Variants in GALNT12 observed in about 807,000 individuals in gnomAD.
GALNT12 encodes the protein polypeptide N-acetylgalactosaminyltransferase 12, also known as UDP-GalNAc:polypeptide N-acetylgalactosaminyltransferase 12.
A neutral mutation model predicts 55.5 loss-of-function variants in GALNT12; 45 were observed. That is an observed-to-expected ratio of 0.81 (90% CI 0.64 to 1.04). The LOEUF (loss-of-function observed/expected upper bound fraction) is 1.04, where lower values mean the gene tolerates loss of function less well. GALNT12 is among the 50% of genes least tolerant of loss of function. GALNT12 has a pLI of 0.00. For synonymous variants in GALNT12, 304 were observed against 312.2 expected (o/e 0.97, Z 0.28); for missense variants, 709 against 754.8 (o/e 0.94, Z 0.71).
rs1414017068 is a variant in GALNT12 at position 98,807,758 on chromosome 9, G to T, written c.60G>T (p.Ala20=). 5 of 1,180,354 alleles carry T rather than the reference G, an allele frequency of 4.2e-6. No homozygotes were observed. The African/African-American group carries it at 8.2e-5, about 19-fold the overall frequency. The allele number at this position is 1,180,354 out of a possible 1,614,324, so 73.1% of individuals were successfully genotyped here. A position where few individuals can be genotyped will look rare whatever the true frequency, so the allele number is the denominator to read the frequency against. ...CPRELRRGRE[A]LLVLLALLAL... ...GGGAACTGCGGCGCGGCCGGGAGGC[G>T]CTGTTGGTGCTCCTGGCGCTACTGG... Residue 20 remains alanine (A), a synonymous_variant, in exon 1 of 10, where the codon GCG becomes GCT. Transcript: ENST00000375011.
At chr9:98,835,176 G>T in intron 4 of GALNT12, 73 bp from the exon 5 acceptor site, 1 of 1,005,490 alleles carries the variant, frequency 9.9e-7, no homozygotes, top group Admixed American at 1.7e-5. Context: ...AGGGCTCGTG[G>T]TGGGAAGGTA....
chr9:98,839,886 C>T (rs115973481), intron 6 of GALNT12, 116 bp from the exon 7 acceptor site: 47 of 1,289,892 alleles, frequency 3.6e-5, no homozygotes, highest in Admixed American at 1.0e-4. Flanking sequence ...GCCTGGCATG[C>T]GACGAATGCT....
rs200503486 is a variant in GALNT12, at chr9:98,839,975, G to A, written c.1213-27G>A. On this transcript the variant is annotated intron_variant, in intron 6 of 9. Transcript: ENST00000375011. ...TGAAAGGAAGCACTAGGACCCATGGGGTCTCACTGTTTTGTTGTTTTCTCA... is the reference window on the plus strand; with the variant it reads ...TGAAAGGAAGCACTAGGACCCATGGAGTCTCACTGTTTTGTTGTTTTCTCA... The A allele has an allele frequency of 8.7e-6, 14 of 1,613,790 alleles. No homozygotes were observed. In the African/African-American group the frequency reaches 1.2e-4, roughly 14 times the overall value.
Position 98,848,942 on chromosome 9 carries a change from T to C in GALNT12, c.1606-10T>C, listed in dbSNP as rs981181239. 10 of 1,614,104 alleles carry C rather than the reference T, an allele frequency of 6.2e-6. No homozygotes were observed. Among genetic ancestry groups the C allele is most frequent in the Non-Finnish European group, 7.6e-6 (9 of 1,180,042 alleles). On this transcript the variant is annotated splice_polypyrimidine_tract_variant and intron_variant, in intron 9 of 9. Transcript: ENST00000375011. ...TGATGACTTGCCTGTCATTCTGTTA[T>C]CTTTTGTAGGATGGATCTTTATTTC...
intron 7 of GALNT12, 32 bp from the exon 8 acceptor site, chr9:98,844,064 G>A (rs1206350323): frequency 6.8e-7 from 1 of 1,463,058 alleles, no homozygotes; most frequent in East Asian, 2.3e-5. Context: ...CTATAAATCT[G>A]GACTGAAATG....
At chr9:98,821,451 C>T (rs1335649333) in intron 1 of GALNT12, among the ~76,000 whole-genome samples, 1 of 151,804 alleles carries the variant, frequency 6.6e-6, no homozygotes, top group Non-Finnish European at 1.5e-5. Flanking sequence ...GAAACACCGT[C>T]TCTACTAAAA....
At chr9:98,835,435 C>A in intron 5 of GALNT12, 69 bp downstream of exon 5, 2 of 960,500 alleles carry the variant, frequency 2.1e-6, no homozygotes, top group Non-Finnish European at 3.4e-6. Context: ...ATGGGATTTG[C>A]TGTAAGAGCC....
intron 6 of GALNT12, 26 bp downstream of exon 6, chr9:98,837,174 C>T (rs1564259250): frequency 1.2e-6 from 2 of 1,612,362 alleles, no homozygotes; most frequent in East Asian, 2.2e-5. Context: ...CACCTGCACT[C>T]CATCTGGCTT....
intron 2 of GALNT12, among the ~76,000 whole-genome samples, chr9:98,823,729 A>AG (rs1440055488): frequency 5.3e-5 from 8 of 152,180 alleles, no homozygotes; most frequent in Non-Finnish European, 8.8e-5. Context: ...GGCCACCATA[A>AG]GGGGTTGAGG....
At chr9:98,817,617 C>T (rs1350990742) in intron 1 of GALNT12, among the ~76,000 whole-genome samples, 1 of 152,020 alleles carries the variant, frequency 6.6e-6, no homozygotes, top group African/African-American at 2.4e-5. Flanking sequence ...GTGCCCACCA[C>T]CACGTTCTGC....
At chr9:98,822,060 A>G (rs113760942) in intron 1 of GALNT12, among the ~76,000 whole-genome samples, 2,594 of 152,254 alleles carry the variant, frequency 0.017, 25 homozygotes, top group Non-Finnish European at 0.027. Flanking sequence ...TAGACAGCAG[A>G]TGTCAGTTTC....
intron 5 of GALNT12, among the ~76,000 whole-genome samples, chr9:98,836,548 G>C (rs546600936): frequency 3.9e-4 from 59 of 151,450 alleles, no homozygotes; most frequent in African/African-American, 1.2e-3. Flanking sequence ...TAGGTGTCAG[G>C]CTGCTCTACC....
chr9:98,811,184 G>T (rs1218488006), intron 1 of GALNT12, among the ~76,000 whole-genome samples: 4 of 152,184 alleles, frequency 2.6e-5, no homozygotes, highest in Non-Finnish European at 5.9e-5. Context: ...AAGATTTAGG[G>T]TGAGTGTTTT....
Position 98,826,878 on chromosome 9 carries a change from T to A in GALNT12, c.668T>A (p.Val223Asp), listed in dbSNP as rs1480815864. 1 of 1,594,410 alleles carries A rather than the reference T, an allele frequency of 6.3e-7. No individual in the cohort carries two copies. The highest frequency in any genetic ancestry group is 8.5e-7 in the Non-Finnish European group (1 of 1,170,696). ...LLGASAARGD[V>D]LTFLDCHCEC... Reference sequence around the variant, plus strand: ...GGGGCGTCTGCGGCGAGGGGCGATGTTCTGACCTTCCTGGACTGTCACTGT... The same window carrying A: ...GGGGCGTCTGCGGCGAGGGGCGATGATCTGACCTTCCTGGACTGTCACTGT... Residue 223 changes from valine (V) to aspartate (D), a missense_variant, in exon 3 of 10, where the codon GTT (valine) becomes GAT (aspartate). Coordinates refer to ENST00000375011, the MANE Select transcript of GALNT12 (RefSeq NM_024642.5).
Position 98,831,643 on chromosome 9 carries a change from A to C in GALNT12, c.732-129A>C, listed in dbSNP as rs920099006. ...GGCTGCAGACACCTGGAATAAGAGA[A>C]GCAGGTCTTTCTCAGATGTTCCTCC... On this transcript the variant is annotated intron_variant, in intron 3 of 9. Coordinates refer to ENST00000375011, the MANE Select transcript of GALNT12 (RefSeq NM_024642.5). 4.7e-6 allele frequency: 5 copies of C among 1,054,802 alleles called. No homozygotes were observed. The African/African-American group carries it at 7.8e-5, about 17-fold the overall frequency. 65.3% of individuals were successfully genotyped at this position (1,054,802 alleles called of 1,614,324 possible). A position where few individuals can be genotyped will look rare whatever the true frequency, so the allele number is the denominator to read the frequency against.
At chr9:98,838,096 T>C (rs1836197097) in intron 6 of GALNT12, among the ~76,000 whole-genome samples, 1 of 152,198 alleles carries the variant, frequency 6.6e-6, no homozygotes, top group Admixed American at 6.5e-5. Context: ...ACCTTAAAGC[T>C]ATTGCTCAGG....
chr9:98,844,363 G>T (rs1232453926), intron 8 of GALNT12, 154 bp downstream of exon 8: 1 of 649,724 alleles, frequency 1.5e-6, no homozygotes, highest in Non-Finnish European at 2.8e-6. Flanking sequence ...AAATTAAAAT[G>T]TGTTTTCTTC....
At chr9:98,825,431 C>A (rs1835835879) in intron 2 of GALNT12, among the ~76,000 whole-genome samples, 1 of 152,302 alleles carries the variant, frequency 6.6e-6, no homozygotes, top group East Asian at 1.9e-4. Context: ...GTTAGGAAGT[C>A]CTGCCTTGCC....
chr9:98,809,267 C>G (rs1390980203), intron 1 of GALNT12, among the ~76,000 whole-genome samples: 1 of 152,218 alleles, frequency 6.6e-6, no homozygotes, highest in African/African-American at 2.4e-5. Context: ...TTGGGGATCT[C>G]CTCATGCCTA....
Sources: allele counts gnomAD v4.1 joint callset (sites outside exome capture counted in the v4.1 genomes callset), GRCh38; gene constraint gnomAD v4.1.1; transcripts MANE v1.5; gene names NCBI Gene and HGNC (gene_info 2026-07-23, HGNC 2026-07-21).